The following DAGLA variants were observed in gnomAD, a reference collection of about 807,000 sequenced individuals.
The protein encoded by DAGLA is diacylglycerol lipase alpha.
In DAGLA, 22 loss-of-function variants were observed where a neutral mutation model predicts 102.6. The observed-to-expected ratio is 0.21, with a 90% CI of 0.15 to 0.31. DAGLA has a LOEUF of 0.31. Ranked by LOEUF, DAGLA falls within the 10% of genes least tolerant of loss-of-function variation. The pLI is 1.00. For synonymous variants in DAGLA, 578 were observed against 628.9 expected (o/e 0.92, Z 1.21); for missense variants, 927 against 1,446.6 (o/e 0.64, Z 5.83).
At chr11:61,685,858 C>T (rs1235762749) in intron 1 of DAGLA, among the ~76,000 whole-genome samples, 1 of 151,876 alleles carries the variant, frequency 6.6e-6, no homozygotes, top group African/African-American at 2.4e-5. Context: ...AAACTGCTGC[C>T]CGTCTGTTGT....
chr11:61,738,646 G>T (rs2065447800), intron 16 of DAGLA, among the ~76,000 whole-genome samples: 1 of 152,032 alleles, frequency 6.6e-6, no homozygotes, highest in African/African-American at 2.4e-5. Flanking sequence ...GGTACAGTTT[G>T]TTCTGATTTT....
intron 1 of DAGLA, among the ~76,000 whole-genome samples, chr11:61,708,385 T>TG (rs1565252049): frequency 7.1e-6 from 1 of 141,750 alleles, no homozygotes; most frequent in African/African-American, 2.6e-5. Flanking sequence ...ACTTTACAAC[T>TG]TTTTTTTTTT....
At chr11:61,702,420 C>T (rs926290067) in intron 1 of DAGLA, among the ~76,000 whole-genome samples, 9 of 152,178 alleles carry the variant, frequency 5.9e-5, no homozygotes, top group South Asian at 4.1e-4. Flanking sequence ...CTTAAGGCTC[C>T]GAGTCTTCTG....
intron 5 of DAGLA, among the ~76,000 whole-genome samples, chr11:61,724,736 A>G (rs1377706915): frequency 1.3e-5 from 2 of 152,116 alleles, no homozygotes; most frequent in Non-Finnish European, 2.9e-5. Context: ...ATTCCCTCCC[A>G]GCCCAGCTGG....
chr11:61,720,917 G>T (rs2065276201), intron 3 of DAGLA, 27 bp downstream of exon 3: 1 of 1,592,868 alleles, frequency 6.3e-7, no homozygotes, highest in African/African-American at 1.3e-5. Context: ...CTGGGGTGCT[G>T]CCCCAGACAA....
At position 61,741,246 on chromosome 11, in the gene DAGLA, C is replaced by T; in HGVS notation, c.2068C>T (p.Pro690Ser). ...MVSPTEVDLT[P>S]ELIFQQQPLP... ...GAGCCCTACCGAGGTGGACCTGACT[C>T]CTGAGCTCATCTTCCAGCAGCAGCC... Residue 690 changes from proline to serine, a missense_variant, in exon 19 of 20, where the codon CCT becomes TCT. This residue lies in a region of DAGLA where 434 missense variants were observed against 503.3 expected (regional missense o/e 0.86). Transcript: ENST00000257215. 1 of 1,613,476 alleles carries T rather than the reference C, an allele frequency of 6.2e-7. No individual in the cohort carries two copies. Among genetic ancestry groups the T allele is most frequent in the Non-Finnish European group, 8.5e-7 (1 of 1,180,026 alleles).
chr11:61,701,005 G>C (rs1307020023), intron 1 of DAGLA, among the ~76,000 whole-genome samples: 2 of 152,220 alleles, frequency 1.3e-5, no homozygotes, highest in East Asian at 3.8e-4. Context: ...TTTGTGTCAT[G>C]CTTTCTCCAG....
chr11:61,698,501 G>C (rs1469357146), intron 1 of DAGLA, among the ~76,000 whole-genome samples: 2 of 152,202 alleles, frequency 1.3e-5, no homozygotes, highest in East Asian at 3.8e-4. Flanking sequence ...AGCCTCCAGA[G>C]CCACTTCTGA....
chr11:61,718,210 G>A (rs1194604890), intron 1 of DAGLA, among the ~76,000 whole-genome samples: 1 of 152,112 alleles, frequency 6.6e-6, no homozygotes, highest in African/African-American at 2.4e-5. Flanking sequence ...GCCCCTCTGG[G>A]ACAGCACTGC....
rs1309699177 is a variant in DAGLA at position 61,734,440 on chromosome 11, G to C, written c.975-409G>C. Among the ~76,000 whole-genome samples, 2 of 152,046 alleles carry C rather than the reference G, an allele frequency of 1.3e-5. No homozygotes were observed. The highest frequency in any genetic ancestry group is 2.9e-5 in the Non-Finnish European group (2 of 68,016). On this transcript the variant is annotated intron_variant, in intron 9 of 19. Transcript: ENST00000257215. The surrounding 1 kb of genome is among the most constrained non-coding windows in gnomAD (Gnocchi z 4.2). ...ATTGGATGGAAGCATCTGGGTGTTG[G>C]GGCAGGCCTGGGGTGGATTCCTGAG...
intron 8 of DAGLA, among the ~76,000 whole-genome samples, chr11:61,730,979 A>G (rs1382370966): frequency 6.6e-6 from 1 of 152,196 alleles, no homozygotes; most frequent in East Asian, 1.9e-4. Flanking sequence ...TGGGGGGATT[A>G]CTACTCACAT....
At chr11:61,698,135 A>G (rs2065080903) in intron 1 of DAGLA, among the ~76,000 whole-genome samples, 1 of 152,220 alleles carries the variant, frequency 6.6e-6, no homozygotes, top group Non-Finnish European at 1.5e-5. Context: ...TGGAAAAGGC[A>G]GTGTGACTCT....
At chr11:61,689,497 A>G (rs932029434) in intron 1 of DAGLA, among the ~76,000 whole-genome samples, 3 of 121,966 alleles carry the variant, frequency 2.5e-5, no homozygotes, top group African/African-American at 5.6e-5. Flanking sequence ...TTTGAGCCTC[A>G]GTTTCCTCAT....
chr11:61,743,717 C>T lies in DAGLA; in HGVS notation c.2357C>T (p.Thr786Ile). The T allele has an allele frequency of 6.2e-7, 1 of 1,608,912 alleles. No homozygotes were observed. Among genetic ancestry groups the T allele is most frequent in the Non-Finnish European group, 8.5e-7 (1 of 1,178,400 alleles). The change falls in exon 20 of 20, where the codon ACT becomes ATT. Residue 786 changes from threonine (T) to isoleucine (I), a missense_variant. By Grantham distance (89) the Thr-to-Ile change is moderately conservative (BLOSUM62 -1). Coordinates refer to ENST00000257215, the MANE Select transcript of DAGLA (RefSeq NM_006133.3). ...GCCACCATGGAGAGCCTCTCGGACA[C>T]TGAGTCCCTGTACAGCTTCGACTCG... ...PLATMESLSDTESLYSFDSRR... is the reference protein window; with the variant it reads ...PLATMESLSDIESLYSFDSRR...
intron 1 of DAGLA, among the ~76,000 whole-genome samples, chr11:61,680,847 C>T (rs995726335): frequency 1.3e-5 from 2 of 152,244 alleles, no homozygotes; most frequent in Admixed American, 6.5e-5. Context: ...GTGATGGGCA[C>T]GGCCTTCGGA....
chr11:61,737,996 C>T (rs982118231), intron 15 of DAGLA, 139 bp from the exon 16 acceptor site: 90 of 729,500 alleles, frequency 1.2e-4, no homozygotes, highest in Non-Finnish European at 1.7e-4. Flanking sequence ...CTGTGGACAC[C>T]TCTCCACCCC....
intron 6 of DAGLA, among the ~76,000 whole-genome samples, chr11:61,727,305 G>A (rs1174214762): frequency 1.3e-5 from 2 of 152,352 alleles, no homozygotes; most frequent in Middle Eastern, 3.4e-3. Flanking sequence ...AGCTGGAGCC[G>A]AGCAGTATCT....
chr11:61,710,490 G>A (rs1446493434), intron 1 of DAGLA, among the ~76,000 whole-genome samples: 1 of 152,184 alleles, frequency 6.6e-6, no homozygotes, highest in African/African-American at 2.4e-5. Flanking sequence ...GTGTTCTAGA[G>A]TCTTGTGGCC....
At chr11:61,690,130 G>A (rs534626147) in intron 1 of DAGLA, among the ~76,000 whole-genome samples, 81 of 152,224 alleles carry the variant, frequency 5.3e-4, no homozygotes, top group Middle Eastern at 3.4e-3. Flanking sequence ...CACCCCCAGG[G>A]CCAGAACACC....
Sources: allele counts gnomAD v4.1 joint callset (sites outside exome capture counted in the v4.1 genomes callset), GRCh38; gene constraint gnomAD v4.1.1; regional missense constraint gnomAD v4.1.1; non-coding constraint Gnocchi (gnomAD v3.1); transcripts MANE v1.5; gene names NCBI Gene and HGNC (gene_info 2026-07-23, HGNC 2026-07-21).